MTM1: variants seen among roughly 807,000 people sequenced by gnomAD.
MTM1 encodes myotubularin 1.
Under a neutral mutation model 52.1 loss-of-function variants are expected in MTM1, and 9 were observed. The ratio of observed to expected loss-of-function variants is 0.17; its 90% CI spans 0.10 to 0.30. The LOEUF is 0.30. Ranked by LOEUF, MTM1 falls within the 10% of genes least tolerant of loss-of-function variation. The pLI is 1.00. For synonymous variants in MTM1, 136 were observed against 163.8 expected, an observed-to-expected ratio of 0.83 and a Z score of 1.29; for missense variants, 277 against 470.7, an observed-to-expected ratio of 0.59 and a Z score of 3.81.
intron 4 of MTM1, among the ~76,000 whole-genome samples, chrX:150,610,439 A>G (rs1557412954): frequency 1.8e-5 from 2 of 112,098 alleles, no homozygotes; most frequent in African/African-American, 6.5e-5. Context: ...GAAAGAATGC[A>G]TTATTTTAGG....
chrX:150,589,916 A>C (rs1182411237), intron 1 of MTM1, among the ~76,000 whole-genome samples: 1 of 111,458 alleles, frequency 9.0e-6, no homozygotes, highest in African/African-American at 3.3e-5. Flanking sequence ...TGTGCTCATA[A>C]AAATTAAAAA....
At chrX:150,594,733 C>T (rs2038946639) in intron 2 of MTM1, among the ~76,000 whole-genome samples, 1 of 111,917 alleles carries the variant, frequency 8.9e-6, no homozygotes, top group African/African-American at 3.3e-5. Context: ...CTATGTTAAT[C>T]CCATGTTATC....
intron 1 of MTM1, among the ~76,000 whole-genome samples, chrX:150,574,065 T>G (rs184853873): frequency 9.0e-6 from 1 of 111,600 alleles, no homozygotes; most frequent in Non-Finnish European, 1.9e-5. Flanking sequence ...GTTCTGGATC[T>G]GGGAGAGAAA....
chrX:150,589,690 T>C (rs1280479036), intron 1 of MTM1, among the ~76,000 whole-genome samples: 2 of 110,439 alleles, frequency 1.8e-5, no homozygotes, highest in East Asian at 5.7e-4. Context: ...TACACACCTG[T>C]CTAGTACATT....
chrX:150,668,505 A>G (rs1322495720), intron 14 of MTM1, among the ~76,000 whole-genome samples: 2 of 99,159 alleles, frequency 2.0e-5, no homozygotes, highest in Non-Finnish European at 4.0e-5. Flanking sequence ...TAGGCAACAT[A>G]GTGAGACCCC....
In MTM1 at chrX:150,655,324, C is replaced by CAA. The variant is rs782639017; in HGVS notation, c.1054-2479_1054-2478dup. ...TGGGCGAAAGAGCGAGACTCTGTCTCAAAAAAAAAAAAAAAAAAATTAAAC... is the reference window on the plus strand; with the variant it reads ...TGGGCGAAAGAGCGAGACTCTGTCTCAAAAAAAAAAAAAAAAAAAAATTAAAC... On this transcript the variant is annotated intron_variant, in intron 10 of 14. Transcript: ENST00000370396. Among the ~76,000 whole-genome samples, 44 of 42,648 alleles carry CAA rather than the reference C, an allele frequency of 1.0e-3. 1 individual carries two copies. Among genetic ancestry groups the CAA allele is most frequent in the African/African-American group, 3.3e-3 (37 of 11,066 alleles). 37.0% of individuals were successfully genotyped at this position (42,648 alleles called of 115,157 possible).
chrX:150,593,915 G>A (rs1169816057), intron 2 of MTM1, among the ~76,000 whole-genome samples: 1 of 108,281 alleles, frequency 9.2e-6, no homozygotes, highest in Admixed American at 9.7e-5. Flanking sequence ...GCAGTGAGCC[G>A]AGATCTCACC....
At chrX:150,612,411 G>A (rs781808023) in intron 4 of MTM1, among the ~76,000 whole-genome samples, 59 of 111,729 alleles carry the variant, frequency 5.3e-4, no homozygotes, top group Non-Finnish European at 7.1e-4. Flanking sequence ...AATATAAAAG[G>A]CCAGGAGCAG....
chrX:150,593,030 G>T (rs2038913338), intron 2 of MTM1, among the ~76,000 whole-genome samples: 1 of 111,589 alleles, frequency 9.0e-6, no homozygotes, highest in Middle Eastern at 4.7e-3. Flanking sequence ...TTTTAGTAGA[G>T]ACGGGGTTTC....
chrX:150,651,829 G>A (rs1210923271), intron 10 of MTM1, among the ~76,000 whole-genome samples: 6 of 111,323 alleles, frequency 5.4e-5, no homozygotes, highest in Non-Finnish European at 1.1e-4. Flanking sequence ...AGGGCAGGAG[G>A]TGAGAAGTGG....
intron 1 of MTM1, among the ~76,000 whole-genome samples, chrX:150,590,697 A>G (rs1402086809): frequency 8.9e-6 from 1 of 111,874 alleles, no homozygotes; most frequent in East Asian, 2.8e-4. Flanking sequence ...AATAGCAGGA[A>G]GACTCATCAT....
chrX:150,573,143 A>G (rs782818594), intron 1 of MTM1, among the ~76,000 whole-genome samples: 1 of 112,790 alleles, frequency 8.9e-6, no homozygotes, highest in East Asian at 2.8e-4. Flanking sequence ...CCAGCTTAGA[A>G]TTGTTCACAC....
chrX:150,622,451 G>T (rs1369327976), intron 6 of MTM1, among the ~76,000 whole-genome samples: 2 of 112,049 alleles, frequency 1.8e-5, no homozygotes, highest in Non-Finnish European at 3.8e-5. Flanking sequence ...TCAGGATGCA[G>T]TGGGGGCAGT....
chrX:150,582,153 G>T (rs1360468107), intron 1 of MTM1, among the ~76,000 whole-genome samples: 1 of 111,176 alleles, frequency 9.0e-6, no homozygotes, highest in Non-Finnish European at 1.9e-5. Flanking sequence ...CTCCATTGTG[G>T]TCCAGAGTAG....
At chrX:150,581,768 C>T (rs1232565965) in intron 1 of MTM1, among the ~76,000 whole-genome samples, 2 of 111,913 alleles carry the variant, frequency 1.8e-5, no homozygotes, top group African/African-American at 6.5e-5. Context: ...TTCAGTTCCA[C>T]CTTTGACAGT....
At chrX:150,637,278 C>T (rs2039766568) in intron 6 of MTM1, among the ~76,000 whole-genome samples, 1 of 111,885 alleles carries the variant, frequency 8.9e-6, no homozygotes, top group Non-Finnish European at 1.9e-5. Context: ...GGGGAGGGAA[C>T]ACTGGTGTTC....
intron 6 of MTM1, among the ~76,000 whole-genome samples, chrX:150,621,007 A>G (rs1164154396): frequency 9.3e-6 from 1 of 107,513 alleles, no homozygotes; most frequent in Non-Finnish European, 1.9e-5. Flanking sequence ...AATCCCAGCT[A>G]CTCAGGAGTC....
intron 4 of MTM1, among the ~76,000 whole-genome samples, chrX:150,605,679 T>C (rs1403294236): frequency 8.9e-6 from 1 of 112,332 alleles, no homozygotes; most frequent in Non-Finnish European, 1.9e-5. Context: ...AAAGGTAATA[T>C]TTGGAGAATC....
At chrX:150,634,238 A>C (rs1162685730) in intron 6 of MTM1, among the ~76,000 whole-genome samples, 1 of 112,595 alleles carries the variant, frequency 8.9e-6, no homozygotes, top group Non-Finnish European at 1.9e-5. Context: ...GAGAGAGCCT[A>C]TGACAGTGAC....
Sources: gnomAD v4.1 joint callset for allele counts (sites outside exome capture counted in the v4.1 genomes callset) on GRCh38, gnomAD v4.1.1 for gene constraint, MANE v1.5 for transcripts, NCBI Gene and HGNC (gene_info 2026-07-23, HGNC 2026-07-21) for gene names.